Variants in ZNF782 observed in about 807,000 individuals in gnomAD.
ZNF782 encodes zinc finger protein 782.
ZNF782 carries 12 observed loss-of-function variants against 13.0 expected under a neutral mutation model. The observed-to-expected ratio is 0.92, with a 90% confidence interval of 0.59 to 1.50. The LOEUF is 1.50. Among genes scored for constraint, ZNF782 ranks in the 40% most tolerant of loss-of-function variants. The probability of loss-of-function intolerance (pLI) is 0.00; values close to 1 mark genes in which losing one functional copy is unlikely to be tolerated. For missense variants in ZNF782, 770 were observed against 822.9 expected (o/e 0.94, Z 0.79); for synonymous variants, 284 against 283.0 (o/e 1.00, Z -0.04).
At chr9:96,899,694 G>C in the ZNF782 span, among the ~76,000 whole-genome samples, 1 of 152,214 alleles carries the variant, frequency 6.6e-6, no homozygotes, top group Non-Finnish European at 1.5e-5. Flanking sequence ...GGGAAAAGCA[G>C]TCTAACCATC....
chr9:96,824,874 A>G (rs1208688686), intron 5 of ZNF782, among the ~76,000 whole-genome samples: 1 of 149,368 alleles, frequency 6.7e-6, no homozygotes, highest in African/African-American at 2.5e-5. Flanking sequence ...CTTCAAGGAG[A>G]ACTACAAACC....
intron 1 of ZNF782, among the ~76,000 whole-genome samples, chr9:96,874,551 A>C (rs940890687): frequency 1.3e-5 from 2 of 152,196 alleles, no homozygotes; most frequent in Non-Finnish European, 2.9e-5. Flanking sequence ...TGGTCCAGGC[A>C]TTCCACTGTC....
intron 1 of ZNF782, among the ~76,000 whole-genome samples, chr9:96,872,007 T>C (rs1166409623): frequency 6.6e-6 from 1 of 152,202 alleles, no homozygotes; most frequent in Non-Finnish European, 1.5e-5. Context: ...TAGTAGTAGA[T>C]GATCTAATAC....
At chr9:96,876,464 GAAGA>G (rs1255339149), upstream of ZNF782, among the ~76,000 whole-genome samples, 3 of 152,042 alleles carry the variant, frequency 2.0e-5, no homozygotes, top group Non-Finnish European at 4.4e-5. Context: ...CAATACAAAG[GAAGA>G]AAGAAAGAAA....
At chr9:96,880,518 T>C (rs1012832702), upstream of ZNF782, among the ~76,000 whole-genome samples, 7 of 152,234 alleles carry the variant, frequency 4.6e-5, no homozygotes, top group African/African-American at 1.7e-4. Context: ...TCAAATGCTT[T>C]TGCCGCATCA....
At chr9:96,876,020 G>A (rs1851888766), upstream of ZNF782, among the ~76,000 whole-genome samples, 1 of 152,192 alleles carries the variant, frequency 6.6e-6, no homozygotes, top group Non-Finnish European at 1.5e-5. Context: ...TGGATGATTG[G>A]AAGATGTTCC....
chr9:96,855,472 TAGCTTAGCTCCC>T (rs563757697), upstream of ZNF782, among the ~76,000 whole-genome samples: 121 of 152,244 alleles, frequency 7.9e-4, no homozygotes, highest in Non-Finnish European at 1.3e-3. Context: ...TGCATTCTCA[TAGCTTAGCTCCC>T]ACTTATGAGT....
upstream of ZNF782, among the ~76,000 whole-genome samples, chr9:96,858,974 C>T (rs1161238197): frequency 1.3e-5 from 2 of 152,166 alleles, no homozygotes; most frequent in Non-Finnish European, 1.5e-5. This position sits in a 1 kb window ranked among gnomAD's most constrained non-coding sequence, Gnocchi z 4.4. Flanking sequence ...CCTCCACCCA[C>T]GGAGGAAACA....
At position 96,819,426 on chromosome 9, in the gene ZNF782, C is replaced by CT. The variant is rs1850327151; in HGVS notation, c.596dup (p.Glu200GlyfsTer17). 1.2e-6 allele frequency: 2 copies of CT among 1,612,638 alleles called. No homozygotes were observed. The highest frequency in any genetic ancestry group is 1.6e-4 in the Middle Eastern group (1 of 6,074). ...TTGTCTGATGTTGAATAACTTCCTC[C>CT]TTATGATGGAGGGTTTTCACAATTT... On this transcript the variant is annotated frameshift_variant, in exon 6 of 6. Transcript: ENST00000481138. LOFTEE classifies it low-confidence loss of function (END_TRUNC).
chr9:96,837,969 G>A lies in ZNF782; in HGVS notation c.142+6921C>T, dbSNP rs558129966. ...TTGAGCTCCTGGGTTCAAGTGATCC[G>A]TCCACCTTGGCCTTTCAAAGTGTTG... On this transcript the variant is annotated intron_variant, in intron 4 of 5. Transcript: ENST00000481138. Among the ~76,000 whole-genome samples the A allele has an allele frequency of 1.1e-3, 166 of 152,208 alleles. 1 individual carries two copies. The highest frequency in any genetic ancestry group is 1.3e-3 in the Admixed American group (20 of 15,296).
chr9:96,913,097 T>C, the ZNF782 span, among the ~76,000 whole-genome samples: 1 of 150,968 alleles, frequency 6.6e-6, no homozygotes, highest in African/African-American at 2.4e-5. Context: ...GGAGGATCAC[T>C]TCAGGCCAGA....
chr9:96,921,696 ATT>A, the ZNF782 span, among the ~76,000 whole-genome samples: 1 of 136,382 alleles, frequency 7.3e-6, no homozygotes, highest in African/African-American at 2.7e-5. Context: ...CCCCATCTCT[ATT>A]TTTTTTTTTA....
upstream of ZNF782, among the ~76,000 whole-genome samples, chr9:96,877,010 A>G (rs1319782388): frequency 1.3e-5 from 2 of 150,848 alleles, no homozygotes; most frequent in South Asian, 2.1e-4. Flanking sequence ...AAAAATGGCT[A>G]TCAGGCAAAT....
At chr9:96,868,894 C>T (rs1325896227) in intron 1 of ZNF782, among the ~76,000 whole-genome samples, 1 of 152,138 alleles carries the variant, frequency 6.6e-6, no homozygotes, top group African/African-American at 2.4e-5. Context: ...GTTTCTCCTT[C>T]CCCAGGCTTG....
chr9:96,820,767 C>T (rs1201002699), intron 5 of ZNF782, among the ~76,000 whole-genome samples: 2 of 152,042 alleles, frequency 1.3e-5, no homozygotes, highest in Non-Finnish European at 2.9e-5. Context: ...CCAGGCTGGT[C>T]TCGAACTCCT....
the ZNF782 span, among the ~76,000 whole-genome samples, chr9:96,910,749 G>T: frequency 3.7e-3 from 552 of 148,332 alleles, 5 homozygotes; most frequent in African/African-American, 0.013. Flanking sequence ...CCATTCTCCT[G>T]CCTCAGCCTC....
chr9:96,852,035 G>T (rs1413752714), intron 2 of ZNF782, 30 bp from the exon 3 acceptor site: 4 of 1,466,678 alleles, frequency 2.7e-6, no homozygotes, highest in Non-Finnish European at 3.8e-6. Flanking sequence ...ATGTCACACG[G>T]TCTCGCCTAC....
intron 4 of ZNF782, among the ~76,000 whole-genome samples, chr9:96,839,277 C>CT (rs201411107): frequency 0.017 from 1,679 of 100,038 alleles, 63 homozygotes; most frequent in African/African-American, 0.037. Flanking sequence ...TTACTTGGGA[C>CT]TTTTTTTTTT....
chr9:96,911,944 A>G, the ZNF782 span, among the ~76,000 whole-genome samples: 3 of 152,006 alleles, frequency 2.0e-5, no homozygotes, highest in Non-Finnish European at 4.4e-5. Context: ...TCACGCCTGT[A>G]ATCCCAGCAC....
Sources: allele counts gnomAD v4.1 joint callset (sites outside exome capture counted in the v4.1 genomes callset), GRCh38; gene constraint gnomAD v4.1.1; non-coding constraint Gnocchi (gnomAD v3.1); transcripts MANE v1.5; gene names NCBI Gene and HGNC (gene_info 2026-07-23, HGNC 2026-07-21).